The following LOC128462377 variants were observed in gnomAD, a reference collection of about 807,000 sequenced individuals.
the LOC128462377 span, among the ~76,000 whole-genome samples, chr16:89,415,173 C>G: frequency 1.3e-5 from 2 of 151,402 alleles, no homozygotes; most frequent in African/African-American, 2.4e-5. Flanking sequence ...AGGCTGGTCT[C>G]GCACTCCTGA....
chr16:89,401,713 C>T, the LOC128462377 span, among the ~76,000 whole-genome samples: 2 of 152,150 alleles, frequency 1.3e-5, no homozygotes, highest in Admixed American at 6.5e-5. Context: ...GGTGAGATCG[C>T]TAGGGTGGGC....
At chr16:89,391,002 G>A in the LOC128462377 span, among the ~76,000 whole-genome samples, 13 of 152,162 alleles carry the variant, frequency 8.5e-5, no homozygotes, top group East Asian at 7.7e-4. Context: ...GCCGAGGTGG[G>A]TGGATCACGA....
chr16:89,365,857 C>T, the LOC128462377 span, among the ~76,000 whole-genome samples: 1 of 152,154 alleles, frequency 6.6e-6, no homozygotes, highest in African/African-American at 2.4e-5. Context: ...TCCTCTCCCT[C>T]CTCCACCCCC....
the LOC128462377 span, among the ~76,000 whole-genome samples, chr16:89,376,470 T>C: frequency 9.2e-5 from 14 of 152,222 alleles, no homozygotes; most frequent in African/African-American, 2.4e-4. Context: ...CAGACTCTTG[T>C]TCCGTCACCC....
the LOC128462377 span, among the ~76,000 whole-genome samples, chr16:89,335,093 T>C: frequency 6.6e-6 from 1 of 152,286 alleles, no homozygotes; most frequent in Admixed American, 6.5e-5. Flanking sequence ...TAACACTGAT[T>C]GCTGACCACC....
At chr16:89,388,418 C>T in the LOC128462377 span, among the ~76,000 whole-genome samples, 1 of 150,774 alleles carries the variant, frequency 6.6e-6, no homozygotes, top group African/African-American at 2.4e-5. Flanking sequence ...GCGTGAGCCA[C>T]CACGCCCAGC....
At chr16:89,416,042 C>T in the LOC128462377 span, among the ~76,000 whole-genome samples, 1 of 151,944 alleles carries the variant, frequency 6.6e-6, no homozygotes, top group African/African-American at 2.4e-5. Flanking sequence ...CTAACCACCA[C>T]AGGCAAACAA....
chr16:89,326,460 T>G, the LOC128462377 span, among the ~76,000 whole-genome samples: 2 of 147,142 alleles, frequency 1.4e-5, no homozygotes, highest in African/African-American at 5.1e-5. Context: ...ATTACACAAA[T>G]AGGGCCAGGC....
the LOC128462377 span, among the ~76,000 whole-genome samples, chr16:89,329,897 T>C: frequency 6.6e-6 from 1 of 151,802 alleles, no homozygotes; most frequent in African/African-American, 2.4e-5. Flanking sequence ...TCCCAGCTAC[T>C]TGGGAGGCTG....
chr16:89,382,288 T>G, the LOC128462377 span, among the ~76,000 whole-genome samples: 4 of 151,886 alleles, frequency 2.6e-5, no homozygotes, highest in African/African-American at 9.7e-5. Context: ...AACTGCATCT[T>G]AAACTAGACA....
chr16:89,352,734 G>C, the LOC128462377 span, among the ~76,000 whole-genome samples: 1 of 152,208 alleles, frequency 6.6e-6, no homozygotes, highest in Non-Finnish European at 1.5e-5. Flanking sequence ...AGTCCCGCTT[G>C]CCTCTGAAAA....
the LOC128462377 span, among the ~76,000 whole-genome samples, chr16:89,377,602 G>C: frequency 6.6e-6 from 1 of 152,180 alleles, no homozygotes; most frequent in Non-Finnish European, 1.5e-5. Context: ...CCCACACCAG[G>C]TGACGAGGAG....
the LOC128462377 span, among the ~76,000 whole-genome samples, chr16:89,403,312 C>A: frequency 1.2e-4 from 18 of 152,298 alleles, no homozygotes; most frequent in East Asian, 3.9e-4. Context: ...CCTGCTCCCC[C>A]CTCCTGACCG....
At chr16:89,405,139 A>C in the LOC128462377 span, among the ~76,000 whole-genome samples, 3 of 152,092 alleles carry the variant, frequency 2.0e-5, no homozygotes, top group East Asian at 5.8e-4. Flanking sequence ...GGTTGCGGTG[A>C]GTGGAGATCA....
the LOC128462377 span, among the ~76,000 whole-genome samples, chr16:89,415,913 C>A: frequency 1.3e-5 from 2 of 150,528 alleles, no homozygotes; most frequent in Non-Finnish European, 2.9e-5. Context: ...TGGGTCACGG[C>A]GCCTCTGGTC....
chr16:89,355,770 T>G, the LOC128462377 span, among the ~76,000 whole-genome samples: 3 of 152,220 alleles, frequency 2.0e-5, no homozygotes, highest in Non-Finnish European at 4.4e-5. Context: ...GAGCGCAGCC[T>G]GACAATCGCA....
At chr16:89,352,777 C>G in the LOC128462377 span, among the ~76,000 whole-genome samples, 3,388 of 152,278 alleles carry the variant, frequency 0.022, 114 homozygotes, top group African/African-American at 0.077. Flanking sequence ...TTCTTGAGTG[C>G]GTTTCCTATG....
At chr16:89,398,325 G>GGTGAAGATTA in the LOC128462377 span, among the ~76,000 whole-genome samples, 2 of 134,810 alleles carry the variant, frequency 1.5e-5, no homozygotes, top group Non-Finnish European at 1.6e-5. Flanking sequence ...CTGTGAAACA[G>GGTGAAGATTA]CTGAAGACTA....
chr16:89,365,405 C>G, the LOC128462377 span, among the ~76,000 whole-genome samples: 2 of 152,218 alleles, frequency 1.3e-5, no homozygotes, highest in African/African-American at 4.8e-5. Flanking sequence ...CTTGGCCACA[C>G]AAGAGTGAGA....
Sources: gnomAD v4.1 joint callset for allele counts (sites outside exome capture counted in the v4.1 genomes callset) on GRCh38, gnomAD v4.1.1 for gene constraint, MANE v1.5 for transcripts.